PTPRT: variants seen among roughly 807,000 people sequenced by gnomAD.
PTPRT encodes protein tyrosine phosphatase receptor type T.
Under a neutral mutation model 176.8 loss-of-function variants are expected in PTPRT, and 56 were observed. The ratio of observed to expected loss-of-function variants is 0.32; its 90% confidence interval spans 0.26 to 0.40. PTPRT has a LOEUF of 0.40. Ranked by LOEUF, PTPRT falls within the 10% of genes least tolerant of loss-of-function variation. The pLI, the probability that PTPRT is intolerant of heterozygous loss-of-function variation, is 1.00. For missense variants in PTPRT, 1,540 were observed against 1,908.2 expected, an observed-to-expected ratio of 0.81 and a Z score of 3.60; for synonymous variants, 783 against 739.0, an observed-to-expected ratio of 1.06 and a Z score of -0.96.
At chr20:42,126,048 AAG>A (rs1889915136) in intron 19 of PTPRT, among the ~76,000 whole-genome samples, 1 of 151,382 alleles carries the variant, frequency 6.6e-6, no homozygotes, top group Non-Finnish European at 1.5e-5. Flanking sequence ...GGGAAGGAGA[AAG>A]AGTGCTAAAC....
intron 12 of PTPRT, among the ~76,000 whole-genome samples, chr20:42,285,154 C>T (rs577090453): frequency 6.6e-6 from 1 of 152,090 alleles, no homozygotes; most frequent in Admixed American, 6.6e-5. Flanking sequence ...TAGCACCATA[C>T]CCTGTGTTTT....
chr20:42,524,184 T>G (rs2072228249), intron 7 of PTPRT, among the ~76,000 whole-genome samples: 1 of 152,174 alleles, frequency 6.6e-6, no homozygotes, highest in African/African-American at 2.4e-5. Context: ...CTTTACTATT[T>G]TTTATATAGT....
intron 2 of PTPRT, among the ~76,000 whole-genome samples, chr20:42,836,717 AG>A (rs1225300737): frequency 6.6e-6 from 1 of 152,208 alleles, no homozygotes; most frequent in Non-Finnish European, 1.5e-5. Context: ...ACGTTTTGGC[AG>A]ATTTCTCATC....
At position 42,663,111 on chromosome 20, in the gene PTPRT, G is replaced by GA. The variant is rs753034500; in HGVS notation, c.1153+14754_1153+14755insT. Among the ~76,000 whole-genome samples, 7 of 152,040 alleles carry GA rather than the reference G, an allele frequency of 4.6e-5. No homozygotes were observed. In the South Asian group the frequency reaches 1.5e-3, roughly 32 times the overall value. ...AGGTTAAAATACATATTTTAAGAAG[G>GA]GTTGTTTCCATTCAAAGAAACACTT... On this transcript the variant is annotated intron_variant, in intron 7 of 30. Coordinates refer to ENST00000373187, the MANE Select transcript of PTPRT (RefSeq NM_007050.6).
At chr20:42,232,280 C>G (rs1029914547) in intron 15 of PTPRT, among the ~76,000 whole-genome samples, 2 of 152,214 alleles carry the variant, frequency 1.3e-5, no homozygotes, top group African/African-American at 4.8e-5. Context: ...GACCAGGTGG[C>G]CCCTGATACC....
intron 1 of PTPRT, among the ~76,000 whole-genome samples, chr20:43,163,619 C>T (rs539671622): frequency 7.3e-5 from 11 of 150,128 alleles, no homozygotes; most frequent in Non-Finnish European, 1.5e-4. Flanking sequence ...GCCTGGGCTA[C>T]AGAGCGAGAC....
At chr20:43,071,255 A>G (rs1309987608) in intron 1 of PTPRT, among the ~76,000 whole-genome samples, 1 of 152,118 alleles carries the variant, frequency 6.6e-6, no homozygotes. Flanking sequence ...TCCCTACACT[A>G]ACAACATTAG....
intron 6 of PTPRT, among the ~76,000 whole-genome samples, chr20:42,754,352 T>C (rs753048376): frequency 2.0e-5 from 3 of 152,018 alleles, no homozygotes; most frequent in Non-Finnish European, 4.4e-5. Flanking sequence ...CACCCAGCTA[T>C]TTTTTGTATT....
chr20:42,804,441 T>TC (rs2077575765), intron 2 of PTPRT, among the ~76,000 whole-genome samples: 1 of 152,144 alleles, frequency 6.6e-6, no homozygotes, highest in Non-Finnish European at 1.5e-5. Context: ...AAAGATACTG[T>TC]CTCTGTCAGT....
chr20:42,717,359 A>G (rs1307559619), intron 6 of PTPRT, among the ~76,000 whole-genome samples: 1 of 152,138 alleles, frequency 6.6e-6, no homozygotes, highest in Non-Finnish European at 1.5e-5. Flanking sequence ...AAACCCTTAC[A>G]TATGCAGACA....
At chr20:42,596,216 G>A (rs879556150) in intron 7 of PTPRT, among the ~76,000 whole-genome samples, 8 of 152,152 alleles carry the variant, frequency 5.3e-5, no homozygotes, top group Non-Finnish European at 1.0e-4. Context: ...ATCCAGGAAG[G>A]AATATGTGCT....
chr20:42,208,095 GA>G (rs1332426340), intron 15 of PTPRT, among the ~76,000 whole-genome samples: 3 of 128,390 alleles, frequency 2.3e-5, no homozygotes, highest in African/African-American at 9.5e-5. Flanking sequence ...CAAATGCTGA[GA>G]GATTTTGTCA....
At chr20:43,054,208 T>C (rs1396278549) in intron 1 of PTPRT, among the ~76,000 whole-genome samples, 1 of 152,142 alleles carries the variant, frequency 6.6e-6, no homozygotes, top group African/African-American at 2.4e-5. Context: ...GAAGAGTTAA[T>C]AGAAGCATCA....
chr20:42,128,347 C>G (rs1204714100), intron 19 of PTPRT, among the ~76,000 whole-genome samples: 4 of 151,976 alleles, frequency 2.6e-5, no homozygotes, highest in Non-Finnish European at 5.9e-5. Context: ...CATTATCTCC[C>G]TGCTAAGGTT....
chr20:42,358,662 CT>C (rs2058390341), intron 9 of PTPRT, among the ~76,000 whole-genome samples: 1 of 152,176 alleles, frequency 6.6e-6, no homozygotes, highest in African/African-American at 2.4e-5. Context: ...AGGACAACTG[CT>C]TGCCTAAGGG....
intron 13 of PTPRT, among the ~76,000 whole-genome samples, chr20:42,263,822 G>C (rs780595577): frequency 6.6e-6 from 1 of 152,036 alleles, no homozygotes; most frequent in Middle Eastern, 3.4e-3. Context: ...ACCATACCTG[G>C]CCTGAATCAT....
intron 1 of PTPRT, among the ~76,000 whole-genome samples, chr20:42,962,551 A>C (rs1982048512): frequency 6.6e-6 from 1 of 152,238 alleles, no homozygotes. Context: ...AAAAAACAAG[A>C]CATTTACATG....
At chr20:42,150,173 C>T (rs1330088199) in intron 17 of PTPRT, among the ~76,000 whole-genome samples, 3 of 152,266 alleles carry the variant, frequency 2.0e-5, no homozygotes, top group Admixed American at 1.3e-4. Context: ...TGAGTTATGC[C>T]TAAAATAGTA....
chr20:42,537,535 A>T (rs1307765898), intron 7 of PTPRT, among the ~76,000 whole-genome samples: 3 of 152,148 alleles, frequency 2.0e-5, no homozygotes, highest in Non-Finnish European at 4.4e-5. Context: ...TATTTTGCTG[A>T]TGATGAAAGT....
Sources: gnomAD v4.1 joint callset for allele counts (sites outside exome capture counted in the v4.1 genomes callset) on GRCh38, gnomAD v4.1.1 for gene constraint, MANE v1.5 for transcripts, NCBI Gene and HGNC (gene_info 2026-07-23, HGNC 2026-07-21) for gene names.